The following MAP3K2 variants were observed in gnomAD, a reference collection of about 807,000 sequenced individuals.
MAP3K2 encodes the protein mitogen-activated protein kinase kinase kinase 2.
A neutral mutation model predicts 80.3 loss-of-function variants in MAP3K2; 24 were observed. The ratio of observed to expected loss-of-function variants is 0.30; its 90% CI spans 0.22 to 0.42. The LOEUF is 0.42. MAP3K2 is among the 10% of genes least tolerant of loss of function. MAP3K2 has a pLI of 1.00. For missense variants in MAP3K2, 608 were observed against 750.1 expected, an observed-to-expected ratio of 0.81 and a Z score of 2.21; for synonymous variants, 244 against 253.7, an observed-to-expected ratio of 0.96 and a Z score of 0.36.
chr2:127,367,498 G>T (rs140069010), intron 1 of MAP3K2, among the ~76,000 whole-genome samples: 2,559 of 152,176 alleles, frequency 0.017, 33 homozygotes, highest in Non-Finnish European at 0.024. Context: ...AAATACTTTG[G>T]ATTAAAACTC....
chr2:127,327,966 T>C (rs1441962897), intron 7 of MAP3K2, among the ~76,000 whole-genome samples: 1 of 152,226 alleles, frequency 6.6e-6, no homozygotes, highest in Non-Finnish European at 1.5e-5. Context: ...TTAGCTTGTT[T>C]TGTCTAATGC....
intron 1 of MAP3K2, among the ~76,000 whole-genome samples, chr2:127,369,530 AGATT>A (rs1687027769): frequency 6.7e-6 from 1 of 150,330 alleles, no homozygotes; most frequent in Non-Finnish European, 1.5e-5. Context: ...ACTTCATCTT[AGATT>A]GGAGATCTCT....
chr2:127,308,470 T>TA, intron 16 of MAP3K2, 115 bp downstream of exon 16: 1 of 903,646 alleles, frequency 1.1e-6, no homozygotes, highest in Non-Finnish European at 1.6e-6. Flanking sequence ...TCGCAATTCT[T>TA]ACGTCCTATT....
At position 127,364,318 on chromosome 2, in the gene MAP3K2, G is replaced by A. The variant is rs1422141426; in HGVS notation, c.-65-21124C>T. ...AAAAGCAAAGAGTAGGAGTCAATAG[G>A]TTCTGAGTTATACTACGAAGTGTTC... On this transcript the variant is annotated intron_variant, in intron 1 of 16. Transcript: ENST00000682094. The surrounding 1 kb of genome is among the most constrained non-coding windows in gnomAD (Gnocchi z 4.1). Among the ~76,000 whole-genome samples, 1 of 152,144 alleles carries A rather than the reference G, an allele frequency of 6.6e-6. No individual in the cohort carries two copies. Among genetic ancestry groups the A allele is most frequent in the Non-Finnish European group, 1.5e-5 (1 of 68,036 alleles).
chr2:127,355,716 C>T (rs1686785563), intron 1 of MAP3K2, among the ~76,000 whole-genome samples: 1 of 152,024 alleles, frequency 6.6e-6, no homozygotes, highest in Admixed American at 6.5e-5. Context: ...TAGTTTAAAA[C>T]AAACAATAAG....
In MAP3K2 at chr2:127,330,379, T is replaced by C. The variant is rs776652608; in HGVS notation, c.378+13A>G. On this transcript the variant is annotated intron_variant, in intron 6 of 16. Coordinates refer to ENST00000682094, the MANE Select transcript of MAP3K2 (RefSeq NM_001371910.2). ...CCTATAATTCTTACTGAAAAAAATA[T>C]CCCAAATCATACCTGTGTACTTCCA... 22 of 1,360,510 alleles carry C rather than the reference T, an allele frequency of 1.6e-5. No homozygotes were observed. The highest frequency in any genetic ancestry group is 2.1e-5 in the Non-Finnish European group (20 of 972,360). The allele number at this position is 1,360,510 out of a possible 1,614,324, so 84.3% of individuals were successfully genotyped here.
intron 1 of MAP3K2, among the ~76,000 whole-genome samples, chr2:127,373,754 A>G (rs1011409412): frequency 6.6e-6 from 1 of 152,088 alleles, no homozygotes; most frequent in Non-Finnish European, 1.5e-5. Flanking sequence ...GGACTAAAAC[A>G]CTCTCTCTCT....
At chr2:127,341,663 G>C (rs977174546) in intron 2 of MAP3K2, among the ~76,000 whole-genome samples, 1 of 151,092 alleles carries the variant, frequency 6.6e-6, no homozygotes, top group Non-Finnish European at 1.5e-5. Flanking sequence ...CTCCTGAGTA[G>C]CTGGGACTAC....
intron 5 of MAP3K2, 41 bp from the exon 6 acceptor site, chr2:127,330,546 G>C (rs575093034): frequency 2.1e-6 from 2 of 967,280 alleles, no homozygotes; most frequent in African/African-American, 1.6e-5. Context: ...ATCTCACCAG[G>C]TCAAGTTCTT....
At chr2:127,375,601 G>T (rs1476367877) in intron 1 of MAP3K2, among the ~76,000 whole-genome samples, 2 of 151,800 alleles carry the variant, frequency 1.3e-5, no homozygotes, top group Non-Finnish European at 2.9e-5. Flanking sequence ...GTAGAGATGG[G>T]GTTTCACCAT....
intron 7 of MAP3K2, among the ~76,000 whole-genome samples, chr2:127,328,587 G>A (rs1479262275): frequency 2.0e-5 from 3 of 152,084 alleles, no homozygotes; most frequent in East Asian, 3.8e-4. Context: ...AAACTATATC[G>A]AAATATATCT....
rs559378856 is a variant in MAP3K2 at position 127,355,779 on chromosome 2, G to A, written c.-65-12585C>T. Among the ~76,000 whole-genome samples, 9 of 152,154 alleles carry A rather than the reference G, an allele frequency of 5.9e-5. No homozygotes were observed. In the South Asian group the frequency reaches 1.9e-3, roughly 32 times the overall value. On this transcript the variant is annotated intron_variant, in intron 1 of 16. Coordinates refer to ENST00000682094, the MANE Select transcript of MAP3K2 (RefSeq NM_001371910.2). ...CATGAAAAATTTTACTCTAGCATTC[G>A]ATGCTGTTTGATAAAATTTTACCCA...
At chr2:127,345,900 CAAG>C (rs200757727) in intron 1 of MAP3K2, among the ~76,000 whole-genome samples, 1,793 of 151,732 alleles carry the variant, frequency 0.012, 32 homozygotes, top group African/African-American at 0.041. Flanking sequence ...CATTGACAAA[CAAG>C]AAGGATGTCA....
At chr2:127,357,784 A>T (rs1057478294) in intron 1 of MAP3K2, among the ~76,000 whole-genome samples, 2 of 152,194 alleles carry the variant, frequency 1.3e-5, no homozygotes, top group African/African-American at 2.4e-5. Context: ...TGGATACCTC[A>T]GCTGTCACCT....
upstream of MAP3K2, chr2:127,388,415 C>CT (rs1687426366): frequency 1.0e-6 from 1 of 985,310 alleles, no homozygotes. Flanking sequence ...CCGTCTGCCT[C>CT]TTAATTTGTG....
At position 127,333,780 on chromosome 2, in the gene MAP3K2, T is replaced by C. The variant is rs541382269; in HGVS notation, c.264+2090A>G. ...CTAAAATGGAGCAGTTTTCCAATTT[T>C]TAGAAAATGGGAAAAGGTTCTTAAA... On this transcript the variant is annotated intron_variant, in intron 5 of 16. Coordinates refer to ENST00000682094, the MANE Select transcript of MAP3K2 (RefSeq NM_001371910.2). Among the ~76,000 whole-genome samples, 4 of 151,286 alleles carry C rather than the reference T, an allele frequency of 2.6e-5. No individual in the cohort carries two copies. In the East Asian group the frequency reaches 7.7e-4, roughly 29 times the overall value.
intron 1 of MAP3K2, among the ~76,000 whole-genome samples, chr2:127,372,887 T>C (rs1222635553): frequency 6.6e-6 from 1 of 152,176 alleles, no homozygotes; most frequent in Non-Finnish European, 1.5e-5. Flanking sequence ...GTCTGGTAAA[T>C]GGAGACTTTT....
In MAP3K2 at chr2:127,387,810, G is replaced by C. The variant is rs1158969137; in HGVS notation, c.-424C>G. ...TCGCTAGAGACCGGAGAAGAGGCGGGAGTGGCGACTCTGCGGACAGGGGCG... is the reference window on the plus strand; with the variant it reads ...TCGCTAGAGACCGGAGAAGAGGCGGCAGTGGCGACTCTGCGGACAGGGGCG... On this transcript the variant is annotated 5_prime_UTR_variant, in exon 1 of 17. Transcript: ENST00000682094. 22 of 985,120 alleles carry C rather than the reference G, an allele frequency of 2.2e-5. No homozygotes were observed. The highest frequency in any genetic ancestry group is 2.5e-5 in the Non-Finnish European group (21 of 829,814). The allele number at this position is 985,120 out of a possible 1,614,324, so 61.0% of individuals were successfully genotyped here. A position where few individuals can be genotyped will look rare whatever the true frequency, so the allele number is the denominator to read the frequency against.
At chr2:127,342,322 T>C (rs1228771830) in intron 2 of MAP3K2, among the ~76,000 whole-genome samples, 2 of 140,842 alleles carry the variant, frequency 1.4e-5, no homozygotes, top group Admixed American at 6.9e-5. Context: ...CTTGCTACAA[T>C]GACACACAGT....
Sources: allele counts gnomAD v4.1 joint callset (sites outside exome capture counted in the v4.1 genomes callset), GRCh38; gene constraint gnomAD v4.1.1; non-coding constraint Gnocchi (gnomAD v3.1); transcripts MANE v1.5; gene names NCBI Gene and HGNC (gene_info 2026-07-23, HGNC 2026-07-21).